Variants in MX1 observed in about 807,000 individuals in gnomAD.
MX1 encodes MX dynamin like GTPase 1.
A neutral mutation model predicts 66.4 loss-of-function variants in MX1; 66 were observed. That is an observed-to-expected ratio of 0.99 (90% CI 0.82 to 1.22). The LOEUF is 1.22. Ranked by LOEUF, MX1 falls within the 50% of genes most tolerant of loss-of-function variation. The pLI is 0.00. For missense variants in MX1, 787 were observed against 834.3 expected (o/e 0.94, Z 0.70); for synonymous variants, 311 against 318.1 (o/e 0.98, Z 0.24).
intron 10 of MX1, among the ~76,000 whole-genome samples, chr21:41,442,954 A>G (rs866130312): frequency 4.9e-4 from 75 of 152,188 alleles, no homozygotes; most frequent in African/African-American, 1.7e-3. Flanking sequence ...GGGCTGGGAG[A>G]GAGAGAATGG....
rs972637775 is a variant in MX1 at position 41,458,845 on chromosome 21, A to G, written c.*87A>G. 106 of 1,518,912 alleles carry G rather than the reference A, an allele frequency of 7.0e-5. No homozygotes were observed. Among genetic ancestry groups the G allele is most frequent in the Middle Eastern group, 1.7e-4 (1 of 5,786 alleles). 94.1% of individuals were successfully genotyped at this position (1,518,912 alleles called of 1,614,324 possible). On this transcript the variant is annotated 3_prime_UTR_variant, in exon 17 of 17. Coordinates refer to ENST00000398598, the MANE Select transcript of MX1 (RefSeq NM_002462.5). ...CACTGGACTGACGACTTGAGTGCTC[A>G]GTAGTCAGACTGGATAGTCCGTCTC...
At position 41,452,599 on chromosome 21, in the gene MX1, ATT is replaced by A. The variant is rs749480512; in HGVS notation, c.1510-20_1510-19del. The A allele has an allele frequency of 1.3e-6, 2 of 1,583,216 alleles. No homozygotes were observed. The highest frequency in any genetic ancestry group is 3.7e-5 in the Admixed American group (2 of 53,820). On this transcript the variant is annotated intron_variant, in intron 15 of 16. Coordinates refer to ENST00000398598, the MANE Select transcript of MX1 (RefSeq NM_002462.5). ...GAATTTGTGTCTTGAGGGAAACTGTATTTATTTATTTTTTACTGTAGTCCAAA... is the reference window on the plus strand; with the variant it reads ...GAATTTGTGTCTTGAGGGAAACTGTATATTTATTTTTTACTGTAGTCCAAA...
At chr21:41,422,956 G>A (rs183274420), upstream of MX1, 8 of 152,416 alleles carry the variant, frequency 5.2e-5, no homozygotes, top group Admixed American at 4.6e-4. Flanking sequence ...TTACCGAGCG[G>A]TCCTTGTTTT....
chr21:41,454,157 C>T (rs1417916212), intron 16 of MX1, among the ~76,000 whole-genome samples: 1 of 152,164 alleles, frequency 6.6e-6, no homozygotes, highest in Admixed American at 6.5e-5. Flanking sequence ...ACAGCCGTTT[C>T]AAAATATGTC....
chr21:41,443,694 C>G (rs2090579452), intron 10 of MX1, 94 bp from the exon 11 acceptor site: 7 of 1,130,612 alleles, frequency 6.2e-6, no homozygotes, highest in Non-Finnish European at 9.4e-6. Context: ...TTGTAAGCAA[C>G]TGAAATTTGC....
intron 6 of MX1, 129 bp from the exon 7 acceptor site, chr21:41,436,886 G>A: frequency 8.7e-7 from 1 of 1,149,578 alleles, no homozygotes; most frequent in Non-Finnish European, 1.2e-6. Flanking sequence ...CAGAGGGTAA[G>A]ACCAGAAAGT....
chr21:41,438,355 T>C (rs891612061), intron 7 of MX1, among the ~76,000 whole-genome samples: 2 of 152,236 alleles, frequency 1.3e-5, no homozygotes, highest in African/African-American at 4.8e-5. Flanking sequence ...TTGACCACTT[T>C]TATTTCTCAT....
upstream of MX1, among the ~76,000 whole-genome samples, chr21:41,425,427 G>C (rs2090041618): frequency 1.3e-5 from 2 of 152,132 alleles, no homozygotes; most frequent in Non-Finnish European, 2.9e-5. Flanking sequence ...TTAGGGTGGG[G>C]CAGGAACAAA....
intron 7 of MX1, among the ~76,000 whole-genome samples, 145 bp from the exon 8 acceptor site, chr21:41,439,540 TCTTTTATCC>T (rs1185604268): frequency 4.6e-5 from 7 of 152,214 alleles, no homozygotes; most frequent in Non-Finnish European, 8.8e-5. Context: ...CTTTGAGATC[TCTTTTATCC>T]CAATCACAGA....
intron 11 of MX1, among the ~76,000 whole-genome samples, chr21:41,444,721 A>G (rs1443328670): frequency 2.0e-5 from 3 of 152,104 alleles, no homozygotes; most frequent in Non-Finnish European, 4.4e-5. Context: ...GAGCAAGCCC[A>G]TGGGGATTGA....
chr21:41,457,599 G>A (rs2238715), intron 16 of MX1, among the ~76,000 whole-genome samples: 30,084 of 151,948 alleles, frequency 0.2, 3,511 homozygotes, highest in East Asian at 0.42. Context: ...TCCCCTCTGC[G>A]TTGGGTCTTG....
At chr21:41,445,685 G>A (rs469382) in intron 12 of MX1, 115 bp downstream of exon 12, 606,865 of 1,424,668 alleles carry the variant, frequency 0.43, 141,498 homozygotes, top group Non-Finnish European at 0.49. Context: ...AAGACATCTG[G>A]CCCGTAGCAC....
rs146383529 is a variant in MX1 at position 41,441,643 on chromosome 21, G to A, written c.731-73G>A. On this transcript the variant is annotated intron_variant, in intron 9 of 16. Transcript: ENST00000398598. This position sits in a 1 kb window ranked among gnomAD's most constrained non-coding sequence, Gnocchi z 4.0. The stretch of plus-strand genomic sequence containing the variant: ...GGGAGGAAACCCTGGGAGGCCGGGG[G>A]CGTGAGCAGTTGTTCGTTCACCTCT... 3.1e-3 allele frequency: 4,626 copies of A among 1,497,520 alleles called. 235 individuals carry two copies. The Admixed American group carries it at 0.074, about 24-fold the overall frequency. The allele number at this position is 1,497,520 out of a possible 1,614,324, so 92.8% of individuals were successfully genotyped here. A position where few individuals can be genotyped will look rare whatever the true frequency, so the allele number is the denominator to read the frequency against.
At chr21:41,451,304 A>G in intron 15 of MX1, 61 bp downstream of exon 15, 1 of 1,075,538 alleles carries the variant, frequency 9.3e-7, no homozygotes, top group Non-Finnish European at 1.4e-6. Context: ...TTGACACTAG[A>G]AAATAGATTT....
Position 41,430,613 on chromosome 21 carries a change from G to T in MX1, c.-22+5G>T, listed in dbSNP as rs1030200824. ...TTGAAGGAACGTATATTAGAGGTAAGTTGGTGCATGCTATTTTCTGTAACA... is the reference window on the plus strand; with the variant it reads ...TTGAAGGAACGTATATTAGAGGTAATTTGGTGCATGCTATTTTCTGTAACA... On this transcript the variant is annotated splice_donor_5th_base_variant and intron_variant, in intron 4 of 16. Coordinates refer to ENST00000398598, the MANE Select transcript of MX1 (RefSeq NM_002462.5). 2 of 152,204 alleles carry T rather than the reference G, an allele frequency of 1.3e-5. No individual in the cohort carries two copies. The highest frequency in any genetic ancestry group is 2.9e-5 in the Non-Finnish European group (2 of 68,042). The allele number at this position is 152,204 out of a possible 1,614,324, so 9.4% of individuals were successfully genotyped here.
At chr21:41,421,292 C>A (rs2089990560), upstream of MX1, 1 of 152,296 alleles carries the variant, frequency 6.6e-6, no homozygotes, top group Admixed American at 6.5e-5. Flanking sequence ...ATGGAACGTA[C>A]AATCGGGTTT....
Position 41,441,561 on chromosome 21 carries a change from G to T in MX1, c.731-155G>T. 1 of 726,060 alleles carries T rather than the reference G, an allele frequency of 1.4e-6. No homozygotes were observed. Among genetic ancestry groups the T allele is most frequent in the Non-Finnish European group, 2.4e-6 (1 of 422,728 alleles). The allele number at this position is 726,060 out of a possible 1,614,324, so 45.0% of individuals were successfully genotyped here. Reference sequence around the variant, plus strand: ...TTGTCGTGGAGTTCTTTTCTGGAGCGGGGCTCCACTGCCCCCATGGTTCTG... The same window carrying T: ...TTGTCGTGGAGTTCTTTTCTGGAGCTGGGCTCCACTGCCCCCATGGTTCTG... On this transcript the variant is annotated intron_variant, in intron 9 of 16. Transcript: ENST00000398598. The surrounding 1 kb of genome is among the most constrained non-coding windows in gnomAD (Gnocchi z 4.0).
rs74817747 is a variant in MX1 at position 41,438,628 on chromosome 21, C to T, written c.437-1066C>T. 6.3e-3 allele frequency among the ~76,000 whole-genome samples: 964 copies of T among 152,264 alleles called. 7 individuals carry two copies. The highest frequency in any genetic ancestry group is 0.022 in the African/African-American group (916 of 41,546). On this transcript the variant is annotated intron_variant, in intron 7 of 16. Transcript: ENST00000398598. Reference sequence around the variant, plus strand: ...GCCAGAGAAAGTCACGTGGCCAAGCCCAATTTCAAGGGACCGATTTTCTCT... The same window carrying T: ...GCCAGAGAAAGTCACGTGGCCAAGCTCAATTTCAAGGGACCGATTTTCTCT...
chr21:41,424,583 T>C (rs888489967), upstream of MX1, among the ~76,000 whole-genome samples: 3 of 152,098 alleles, frequency 2.0e-5, no homozygotes, highest in Non-Finnish European at 4.4e-5. Context: ...TGAGCTGAGC[T>C]AAGGAGAATG....
Sources: allele counts gnomAD v4.1 joint callset (sites outside exome capture counted in the v4.1 genomes callset), GRCh38; gene constraint gnomAD v4.1.1; non-coding constraint Gnocchi (gnomAD v3.1); transcripts MANE v1.5; gene names NCBI Gene and HGNC (gene_info 2026-07-23, HGNC 2026-07-21).